STRN: variants seen among roughly 807,000 people sequenced by gnomAD.
STRN encodes the protein protein phosphatase 2 regulatory subunit B'''alpha.
In STRN, 53 loss-of-function variants were observed where a neutral mutation model predicts 96.3. That is an observed-to-expected ratio of 0.55 (90% CI 0.44 to 0.69). STRN has a LOEUF of 0.69. STRN is among the 30% of genes least tolerant of loss of function. STRN has a pLI of 0.00. For synonymous variants in STRN, 428 were observed against 355.9 expected (o/e 1.20, Z -2.28); for missense variants, 987 against 963.9 (o/e 1.02, Z -0.32).
At chr2:36,916,772 T>C (rs114166591) in intron 2 of STRN, among the ~76,000 whole-genome samples, 1,840 of 152,256 alleles carry the variant, frequency 0.012, 33 homozygotes, top group African/African-American at 0.042. Flanking sequence ...ATGGGAATAC[T>C]GTTTTATCTT....
intron 1 of STRN, among the ~76,000 whole-genome samples, chr2:36,957,214 G>A (rs1478804510): frequency 6.6e-6 from 1 of 152,170 alleles, no homozygotes; most frequent in Non-Finnish European, 1.5e-5. Flanking sequence ...CAAAACAGAA[G>A]TATATTGGCC....
At chr2:36,857,774 G>C in intron 14 of STRN, 82 bp downstream of exon 14, 7 of 1,190,022 alleles carry the variant, frequency 5.9e-6, no homozygotes, top group Non-Finnish European at 7.0e-6. Flanking sequence ...AAAGAGTTCA[G>C]GGAATCATTT....
chr2:36,897,638 C>T (rs1031095878), intron 6 of STRN, among the ~76,000 whole-genome samples: 4 of 151,654 alleles, frequency 2.6e-5, no homozygotes, highest in African/African-American at 9.7e-5. Context: ...AGGGTTTCAC[C>T]GCGTTAGCCA....
chr2:36,849,791 A>T lies in STRN; in HGVS notation c.2096T>A (p.Ile699Asn), dbSNP rs754940790. The change falls in exon 17 of 18, where the codon ATC (isoleucine) becomes AAC (asparagine). Residue 699 changes from isoleucine (I) to asparagine (N), a missense_variant. By Grantham distance (149) the Ile-to-Asn change is moderately radical. Coordinates refer to ENST00000263918, the MANE Select transcript of STRN (RefSeq NM_003162.4). ...TTCTAGGTGGGCTACCATCGAGTGG[A>T]TCAGTTTGCCTTTGGAAAAAGAGAT... is the stretch of plus-strand genomic sequence containing the variant. ...KFYDNNTGKL[I>N]HSMVAHLEAV... is the part of the protein sequence containing the mutation. 1 of 1,614,152 alleles carries T rather than the reference A, an allele frequency of 6.2e-7. No homozygotes were observed. The highest frequency in any genetic ancestry group is 8.5e-7 in the Non-Finnish European group (1 of 1,180,000).
At chr2:36,936,245 A>G (rs1670697422) in intron 1 of STRN, among the ~76,000 whole-genome samples, 1 of 152,174 alleles carries the variant, frequency 6.6e-6, no homozygotes, top group Admixed American at 6.5e-5. Context: ...GGACAGTAAT[A>G]GTGTGCTGTC....
intron 1 of STRN, 96 bp downstream of exon 1, chr2:36,966,134 A>C: frequency 8.0e-7 from 1 of 1,253,138 alleles, no homozygotes; most frequent in Non-Finnish European, 1.0e-6. Context: ...GGGGGAGGGG[A>C]CGCGAGAAGG....
At chr2:36,866,989 G>A (rs1668645336) in intron 12 of STRN, among the ~76,000 whole-genome samples, 1 of 152,160 alleles carries the variant, frequency 6.6e-6, no homozygotes, top group African/African-American at 2.4e-5. Context: ...ACTTGCCACT[G>A]TATGCCTTTT....
intron 1 of STRN, among the ~76,000 whole-genome samples, chr2:36,963,427 C>T (rs1273998537): frequency 6.6e-6 from 1 of 152,146 alleles, no homozygotes; most frequent in Non-Finnish European, 1.5e-5. Context: ...TATTTTACTT[C>T]CTATTGTGTT....
intron 15 of STRN, among the ~76,000 whole-genome samples, 173 bp from the exon 16 acceptor site, chr2:36,851,280 C>T (rs538695240): frequency 1.1e-4 from 16 of 151,444 alleles, no homozygotes; most frequent in Admixed American, 9.2e-4. Context: ...GTCAGGAGAT[C>T]GAGACCATCC....
chr2:36,874,731 A>C (rs10210881), intron 10 of STRN, among the ~76,000 whole-genome samples: 4,092 of 137,160 alleles, frequency 0.03, 82 homozygotes, highest in African/African-American at 0.076. Flanking sequence ...AAAAAAAAAA[A>C]AAAAAAAAAC....
chr2:36,934,939 G>A (rs1441159605), intron 1 of STRN, among the ~76,000 whole-genome samples: 1 of 152,188 alleles, frequency 6.6e-6, no homozygotes, highest in Non-Finnish European at 1.5e-5. Flanking sequence ...TTAGCCCGGT[G>A]TGGTGGCTCA....
rs1667989838 is a variant in STRN, at chr2:36,843,206, A to G, written c.*6250T>C. ...CAAAGGATATAATACTCATTAGTAT[A>G]CCAGCATACAGAACACCAAACAATG... On this transcript the variant is annotated 3_prime_UTR_variant, in exon 18 of 18. Transcript: ENST00000263918. Among the ~76,000 whole-genome samples, 2 of 152,190 alleles carry G rather than the reference A, an allele frequency of 1.3e-5. No homozygotes were observed. Among genetic ancestry groups the G allele is most frequent in the South Asian group, 4.1e-4 (2 of 4,832 alleles).
chr2:36,886,473 C>G (rs1159908412), intron 8 of STRN, among the ~76,000 whole-genome samples: 1 of 152,046 alleles, frequency 6.6e-6, no homozygotes, highest in East Asian at 1.9e-4. Flanking sequence ...ACTCATGAGG[C>G]TCTGGATTTA....
In STRN at chr2:36,849,332, G is replaced by T. The variant is rs1006105461; in HGVS notation, c.*124C>A. On this transcript the variant is annotated 3_prime_UTR_variant, in exon 18 of 18. Coordinates refer to ENST00000263918, the MANE Select transcript of STRN (RefSeq NM_003162.4). ...ATTGCAAAACTATACTTCAACAAAT[G>T]TTCTCTGTGCTCCTTCAGCAGAACA... 1.7e-6 allele frequency: 2 copies of T among 1,151,040 alleles called. No individual in the cohort carries two copies. Among genetic ancestry groups the T allele is most frequent in the Non-Finnish European group, 2.4e-6 (2 of 819,590 alleles). 71.3% of individuals were successfully genotyped at this position (1,151,040 alleles called of 1,614,324 possible).
intron 7 of STRN, among the ~76,000 whole-genome samples, chr2:36,892,435 AC>A (rs1669425677): frequency 6.6e-6 from 1 of 152,240 alleles, no homozygotes; most frequent in Non-Finnish European, 1.5e-5. Flanking sequence ...AAAGAAAAAA[AC>A]AAACAAAAAA....
intron 1 of STRN, among the ~76,000 whole-genome samples, chr2:36,957,722 G>C (rs1664923262): frequency 7.0e-6 from 1 of 142,374 alleles, no homozygotes; most frequent in African/African-American, 2.6e-5. Flanking sequence ...GCTCAGATTA[G>C]TCTCATAGTT....
intron 12 of STRN, among the ~76,000 whole-genome samples, chr2:36,864,442 T>C (rs1668570459): frequency 6.6e-6 from 1 of 152,256 alleles, no homozygotes; most frequent in African/African-American, 2.4e-5. Flanking sequence ...GTTCTGTTCA[T>C]GTGATGAACC....
intron 3 of STRN, among the ~76,000 whole-genome samples, chr2:36,906,310 T>G (rs1669817608): frequency 6.6e-6 from 1 of 150,972 alleles, no homozygotes; most frequent in South Asian, 2.1e-4. Context: ...ACAAAAAAAA[T>G]TATCTGGGCA....
intron 1 of STRN, among the ~76,000 whole-genome samples, chr2:36,938,852 T>C (rs544779994): frequency 2.1e-4 from 32 of 152,224 alleles, no homozygotes; most frequent in Non-Finnish European, 3.2e-4. Context: ...ATTACAGATA[T>C]CTTTGAACAT....
Sources: allele counts gnomAD v4.1 joint callset (sites outside exome capture counted in the v4.1 genomes callset), GRCh38; gene constraint gnomAD v4.1.1; transcripts MANE v1.5; gene names NCBI Gene and HGNC (gene_info 2026-07-23, HGNC 2026-07-21).